The following PCSK2 variants were observed in gnomAD, a reference collection of about 807,000 sequenced individuals.
The protein encoded by PCSK2 is proprotein convertase subtilisin/kexin type 2, also known as neuroendocrine convertase 2.
A neutral mutation model predicts 69.7 loss-of-function variants in PCSK2; 14 were observed. The observed-to-expected ratio is 0.20, with a 90% CI of 0.13 to 0.31. The LOEUF is 0.31. PCSK2 is among the 10% of genes least tolerant of loss of function. PCSK2 has a pLI of 1.00. For synonymous variants in PCSK2, 307 were observed against 320.7 expected (o/e 0.96, Z 0.46); for missense variants, 544 against 842.5 (o/e 0.65, Z 4.39).
intron 8 of PCSK2, among the ~76,000 whole-genome samples, chr20:17,437,327 G>T (rs191217051): frequency 6.6e-6 from 1 of 152,232 alleles, no homozygotes; most frequent in Admixed American, 6.5e-5. Flanking sequence ...CACAATGCTC[G>T]TGGGGCAGGG....
chr20:17,479,241 C>A (rs1297806343), intron 11 of PCSK2: 11 of 1,253,658 alleles, frequency 8.8e-6, no homozygotes, highest in Admixed American at 1.7e-5. Context: ...TTTCACAATA[C>A]ATTTATAAGC....
intron 2 of PCSK2, among the ~76,000 whole-genome samples, chr20:17,340,611 G>A (rs758655447): frequency 1.5e-4 from 23 of 151,878 alleles, no homozygotes; most frequent in Admixed American, 2.6e-4. Context: ...TTTCCTCTCC[G>A]TCTTACGGAT....
intron 8 of PCSK2, among the ~76,000 whole-genome samples, chr20:17,448,707 T>C (rs571267009): frequency 6.6e-6 from 1 of 152,208 alleles, no homozygotes; most frequent in Non-Finnish European, 1.5e-5. Flanking sequence ...CATCACTGCA[T>C]CCTGGAGAAA....
At chr20:17,476,963 T>C (rs2033301555) in intron 11 of PCSK2, among the ~76,000 whole-genome samples, 2 of 152,214 alleles carry the variant, frequency 1.3e-5, no homozygotes, top group Admixed American at 1.3e-4. Flanking sequence ...CCATAGCTGA[T>C]GGACACTCCA....
chr20:17,417,764 G>C (rs898021903), intron 6 of PCSK2, among the ~76,000 whole-genome samples: 6 of 152,172 alleles, frequency 3.9e-5, no homozygotes, highest in Non-Finnish European at 8.8e-5. Context: ...TATTATGCCT[G>C]ATGTTTTCTT....
intron 1 of PCSK2, among the ~76,000 whole-genome samples, chr20:17,239,205 C>A (rs2122949312): frequency 6.6e-6 from 1 of 152,286 alleles, no homozygotes; most frequent in South Asian, 2.1e-4. Context: ...TCCTCTATTT[C>A]TGTGGGAAGA....
chr20:17,281,564 A>G (rs929588467), intron 2 of PCSK2, among the ~76,000 whole-genome samples: 15 of 152,332 alleles, frequency 9.8e-5, no homozygotes, highest in Middle Eastern at 3.4e-3. Flanking sequence ...ATAACCATAT[A>G]TAAATGTTTT....
intron 7 of PCSK2, among the ~76,000 whole-genome samples, chr20:17,436,332 G>T (rs1432795914): frequency 6.6e-6 from 1 of 152,034 alleles, no homozygotes; most frequent in African/African-American, 2.4e-5. Flanking sequence ...ATCATATGTA[G>T]TAGCTTTATT....
At chr20:17,434,135 G>A (rs2032434906) in intron 7 of PCSK2, among the ~76,000 whole-genome samples, 1 of 131,672 alleles carries the variant, frequency 7.6e-6, no homozygotes, top group Non-Finnish European at 1.6e-5. Context: ...CTCTCTACCT[G>A]TTCTCCCTCT....
intron 2 of PCSK2, among the ~76,000 whole-genome samples, chr20:17,345,144 G>A (rs1346761451): frequency 6.6e-6 from 1 of 152,168 alleles, no homozygotes; most frequent in South Asian, 2.1e-4. Context: ...CATGGCAGGA[G>A]TGTGGTCAGT....
chr20:17,311,001 C>CAAA (rs113825389), intron 2 of PCSK2, among the ~76,000 whole-genome samples: 17,357 of 112,078 alleles, frequency 0.15, 1,495 homozygotes, highest in South Asian at 0.31. Flanking sequence ...GACTCCGTCT[C>CAAA]AAAAAAAAAA....
At chr20:17,275,505 C>CTCT (rs1036249595) in intron 2 of PCSK2, among the ~76,000 whole-genome samples, 23 of 152,118 alleles carry the variant, frequency 1.5e-4, no homozygotes, top group Middle Eastern at 3.4e-3. Context: ...AAGAAAGGTT[C>CTCT]GAAAACTGTG....
At chr20:17,249,303 G>A (rs1369064727) in intron 1 of PCSK2, among the ~76,000 whole-genome samples, 2 of 151,846 alleles carry the variant, frequency 1.3e-5, no homozygotes, top group Non-Finnish European at 1.5e-5. Flanking sequence ...TCAGGAGATC[G>A]AGACCATCCT....
At chr20:17,294,527 T>C (rs1451272402) in intron 2 of PCSK2, among the ~76,000 whole-genome samples, 1 of 152,216 alleles carries the variant, frequency 6.6e-6, no homozygotes, top group Non-Finnish European at 1.5e-5. Flanking sequence ...CACATGAAGG[T>C]TAGACAGTTT....
intron 2 of PCSK2, among the ~76,000 whole-genome samples, chr20:17,298,444 A>G (rs575521186): frequency 1.8e-4 from 28 of 152,268 alleles, no homozygotes; most frequent in African/African-American, 6.7e-4. Flanking sequence ...TCTAGTGGGA[A>G]AAGACCAGGA....
chr20:17,452,261 C>G (rs2269022), intron 8 of PCSK2, among the ~76,000 whole-genome samples: 1 of 150,446 alleles, frequency 6.6e-6, no homozygotes, highest in Non-Finnish European at 1.5e-5. Flanking sequence ...GTAGGGATAT[C>G]TATTTCCCTC....
intron 2 of PCSK2, among the ~76,000 whole-genome samples, chr20:17,262,513 A>G (rs1290561276): frequency 6.6e-6 from 1 of 152,062 alleles, no homozygotes; most frequent in African/African-American, 2.4e-5. Flanking sequence ...AAAATATTAG[A>G]TTAAGGTCTG....
chr20:17,247,024 C>T (rs6044696), intron 1 of PCSK2, among the ~76,000 whole-genome samples: 131,276 of 152,170 alleles, frequency 0.86, 56,826 homozygotes, highest in Admixed American at 0.9. Flanking sequence ...TCCAGGGAAA[C>T]CAGTAATCAT....
chr20:17,451,076 C>T (rs760987925), intron 8 of PCSK2, among the ~76,000 whole-genome samples: 1 of 152,166 alleles, frequency 6.6e-6, no homozygotes, highest in Non-Finnish European at 1.5e-5. Flanking sequence ...TCACCAGAAG[C>T]AAGGACACAA....
Sources: allele counts gnomAD v4.1 joint callset (sites outside exome capture counted in the v4.1 genomes callset), GRCh38; gene constraint gnomAD v4.1.1; transcripts MANE v1.5; gene names NCBI Gene and HGNC (gene_info 2026-07-23, HGNC 2026-07-21).